The following ABCF3 variants were observed in gnomAD, a reference collection of about 807,000 sequenced individuals.
The protein encoded by ABCF3 is ATP-binding cassette sub-family F member 3.
In ABCF3, 62 loss-of-function variants were observed where a neutral mutation model predicts 94.3. That is an observed-to-expected ratio of 0.66 (90% CI 0.54 to 0.81). The LOEUF (loss-of-function observed/expected upper bound fraction) is 0.81, where lower values mean the gene tolerates loss of function less well. Among genes scored for constraint, ABCF3 ranks in the 40% least tolerant of loss-of-function variants. The pLI is 0.00. For synonymous variants in ABCF3, 355 were observed against 361.1 expected, an observed-to-expected ratio of 0.98 and a Z score of 0.19; for missense variants, 843 against 925.3, an observed-to-expected ratio of 0.91 and a Z score of 1.15.
chr3:184,189,519 C>T lies in ABCF3; in HGVS notation c.1114-38C>T, dbSNP rs73049791. On this transcript the variant is annotated intron_variant, in intron 12 of 20. Transcript: ENST00000429586. ...TACCTGGGGGCCTGAGAACTGACTGCCCTCCCAAACCGGGCCTGCTGTCCT... is the reference window on the plus strand; with the variant it reads ...TACCTGGGGGCCTGAGAACTGACTGTCCTCCCAAACCGGGCCTGCTGTCCT... 3.2e-4 allele frequency: 520 copies of T among 1,613,908 alleles called. 2 individuals carry two copies. In the African/African-American group the frequency reaches 6.1e-3, roughly 19 times the overall value.
At position 184,193,512 on chromosome 3, in the gene ABCF3, G is replaced by A; in HGVS notation, c.1972-28G>A. Reference sequence around the variant, plus strand: ...GCCTCGGTGCCTCTTGTGTCCCCCTGAGCACCTCCTGCCCTCCTGTCTTTC... The same window carrying A: ...GCCTCGGTGCCTCTTGTGTCCCCCTAAGCACCTCCTGCCCTCCTGTCTTTC... On this transcript the variant is annotated intron_variant, in intron 20 of 20. Coordinates refer to ENST00000429586, the MANE Select transcript of ABCF3 (RefSeq NM_018358.3). The surrounding 1 kb of genome is among the most constrained non-coding windows in gnomAD (Gnocchi z 5.2). 1.2e-6 allele frequency: 2 copies of A among 1,614,096 alleles called. No homozygotes were observed. Among genetic ancestry groups the A allele is most frequent in the Non-Finnish European group, 1.7e-6 (2 of 1,179,990 alleles).
In ABCF3 at chr3:184,193,701, C is replaced by T; in HGVS notation, c.*3C>T. 1 of 1,602,098 alleles carries T rather than the reference C, an allele frequency of 6.2e-7. No individual in the cohort carries two copies. Among genetic ancestry groups the T allele is most frequent in the Non-Finnish European group, 8.5e-7 (1 of 1,173,604 alleles). On this transcript the variant is annotated 3_prime_UTR_variant, in exon 21 of 21. Transcript: ENST00000429586. This position sits in a 1 kb window ranked among gnomAD's most constrained non-coding sequence, Gnocchi z 5.2. ...TCCGCCGCGAAGGCTTCCTCTAGGG[C>T]CACCAGGCTGAGGACTCGCCCAGGA...
In ABCF3 at chr3:184,193,407, C is replaced by T. The variant is rs777690649; in HGVS notation, c.1926C>T (p.Asp642=). The T allele has an allele frequency of 1.2e-6, 2 of 1,614,180 alleles. No homozygotes were observed. The highest frequency in any genetic ancestry group is 1.1e-5 in the South Asian group (1 of 91,078). The change falls in exon 20 of 21, where the codon GAC becomes GAT. Residue 642 remains aspartate (D), a synonymous_variant. Coordinates refer to ENST00000429586, the MANE Select transcript of ABCF3 (RefSeq NM_018358.3). The surrounding 1 kb of genome is among the most constrained non-coding windows in gnomAD (Gnocchi z 5.2). ...TGGATGAACCCACAAACCACCTGGA[C>T]ATGGAGACCATTGAGGCTCTGGGCC... ...YILDEPTNHL[D]METIEALGRA...
Position 184,186,786 on chromosome 3 carries a change from A to G in ABCF3, c.222-10A>G, listed in dbSNP as rs1406511298. The G allele has an allele frequency of 1.9e-6, 3 of 1,612,360 alleles. No homozygotes were observed. Among genetic ancestry groups the G allele is most frequent in the East Asian group, 4.5e-5 (2 of 44,858 alleles). Reference sequence around the variant, plus strand: ...TCCTAACTCTGCGCTTTCTATCCCTACCCACATAGGGCTGAGCCACAAAGC... The same window carrying G: ...TCCTAACTCTGCGCTTTCTATCCCTGCCCACATAGGGCTGAGCCACAAAGC... On this transcript the variant is annotated splice_polypyrimidine_tract_variant and intron_variant, in intron 2 of 20. Transcript: ENST00000429586.
rs767918618 is a variant in ABCF3, at chr3:184,192,797, G to A, written c.1659-8G>A. 1.4e-5 allele frequency: 23 copies of A among 1,613,750 alleles called. No homozygotes were observed. In the South Asian group the frequency reaches 1.6e-4, roughly 12 times the overall value. On this transcript the variant is annotated splice_polypyrimidine_tract_variant and splice_region_variant and intron_variant, in intron 17 of 20. Transcript: ENST00000429586. ...TGTCTGTTTTTCCACCTCGGCTTCT[G>A]CCTGCAGGAATCTGAAGATTGGCTA...
chr3:184,192,409 TCA>T (rs762032441), intron 16 of ABCF3, among the ~76,000 whole-genome samples, 190 bp from the exon 17 acceptor site: 1 of 152,184 alleles, frequency 6.6e-6, no homozygotes, highest in Non-Finnish European at 1.5e-5. Context: ...CAATTTTGTT[TCA>T]GTTAACCAAC....
intron 9 of ABCF3, 40 bp from the exon 10 acceptor site, chr3:184,189,048 G>A (rs763058871): frequency 1.2e-6 from 2 of 1,614,170 alleles, no homozygotes; most frequent in East Asian, 4.5e-5. Flanking sequence ...TTCCTGCCCT[G>A]ATGAACACCC....
rs533058568 is a variant in ABCF3, at chr3:184,190,636, G to A, written c.1392-363G>A. ...TTTTTTAGTTTTAGCCATCCTAGTGGCTGTGAAGTGATAGCTCATTGTGGT... is the reference window on the plus strand; with the variant it reads ...TTTTTTAGTTTTAGCCATCCTAGTGACTGTGAAGTGATAGCTCATTGTGGT... On this transcript the variant is annotated intron_variant, in intron 14 of 20. Coordinates refer to ENST00000429586, the MANE Select transcript of ABCF3 (RefSeq NM_018358.3). The A allele has an allele frequency of 9.5e-4, 191 of 201,492 alleles. 3 individuals are homozygous for A. The South Asian group carries it at 0.016, about 17-fold the overall frequency. The allele number at this position is 201,492 out of a possible 1,614,324, so 12.5% of individuals were successfully genotyped here. A position where few individuals can be genotyped will look rare whatever the true frequency, so the allele number is the denominator to read the frequency against.
At chr3:184,188,488 G>A in intron 7 of ABCF3, 81 bp downstream of exon 7, 3 of 1,520,660 alleles carry the variant, frequency 2.0e-6, no homozygotes, top group Non-Finnish European at 2.6e-6. Flanking sequence ...TCCATAATTT[G>A]CATGTACATC....
rs756208882 is a variant in ABCF3, at chr3:184,193,605, A to G, written c.2037A>G (p.Val679=). 3.2e-5 allele frequency: 51 copies of G among 1,613,992 alleles called. No homozygotes were observed. The highest frequency in any genetic ancestry group is 4.0e-5 in the Non-Finnish European group (47 of 1,180,010). ...FIRLVCRELW[V]CEGGGVTRVE... ...GGCTGGTGTGCCGGGAGTTGTGGGT[A>G]TGCGAAGGAGGCGGCGTCACCCGTG... The change falls in exon 21 of 21, where the codon GTA becomes GTG. Residue 679 remains valine, a synonymous_variant. Transcript: ENST00000429586. The surrounding 1 kb of genome is among the most constrained non-coding windows in gnomAD (Gnocchi z 5.2).
intron 15 of ABCF3, 34 bp downstream of exon 15, chr3:184,191,077 T>TG (rs755270473): frequency 3.1e-6 from 5 of 1,614,170 alleles, no homozygotes; most frequent in Non-Finnish European, 4.2e-6. Flanking sequence ...GGTGGGGAAT[T>TG]GCTTGCTTCC....
Position 184,186,251 on chromosome 3 carries a change from T to A in ABCF3, c.44T>A (p.Ile15Asn), listed in dbSNP as rs748555013. 9.3e-6 allele frequency: 15 copies of A among 1,614,094 alleles called. No individual in the cohort carries two copies. The highest frequency in any genetic ancestry group is 1.3e-5 in the African/African-American group (1 of 74,952). Residue 15 changes from isoleucine to asparagine, a missense_variant, in exon 1 of 21, where the codon ATT (isoleucine) becomes AAT (asparagine). Transcript: ENST00000429586. ...AEILRSEFPEIDGQVFDYVTG... is the reference protein window; with the variant it reads ...AEILRSEFPENDGQVFDYVTG... ...ATCCTGCGGAGCGAGTTCCCCGAAA[T>A]TGACGGACAAGTCTTCGACTACGTG...
rs1490970226 is a variant in ABCF3, at chr3:184,193,686, A to G, written c.2118A>G (p.Glu706=). 1 of 1,611,322 alleles carries G rather than the reference A, an allele frequency of 6.2e-7. No individual in the cohort carries two copies. Among genetic ancestry groups the G allele is most frequent in the African/African-American group, 1.3e-5 (1 of 75,018 alleles). Residue 706 remains glutamate, a synonymous_variant, in exon 21 of 21, where the codon GAA becomes GAG. Transcript: ENST00000429586. This position sits in a 1 kb window ranked among gnomAD's most constrained non-coding sequence, Gnocchi z 5.2. ...RALLQEQFRR[E]GFL ...TCCTCCAGGAACAGTTCCGCCGCGAAGGCTTCCTCTAGGGCCACCAGGCTG... is the reference window on the plus strand; with the variant it reads ...TCCTCCAGGAACAGTTCCGCCGCGAGGGCTTCCTCTAGGGCCACCAGGCTG...
chr3:184,189,155 T>TG lies in ABCF3; in HGVS notation c.1034+14dup, dbSNP rs773979933. ...GGCCCTCTTTGCTAGGTGAGTCTCC[T>TG]GGGCCAGTGTATGAAGCCCTATGGA... On this transcript the variant is annotated intron_variant, in intron 10 of 20. Coordinates refer to ENST00000429586, the MANE Select transcript of ABCF3 (RefSeq NM_018358.3). 1.9e-6 allele frequency: 3 copies of TG among 1,614,208 alleles called. No homozygotes were observed. The East Asian group carries it at 6.7e-5, about 36-fold the overall frequency.
chr3:184,190,234 G>T, intron 14 of ABCF3: 1 of 458,390 alleles, frequency 2.2e-6, no homozygotes, highest in Non-Finnish European at 4.0e-6. Flanking sequence ...CTGGCGTCAT[G>T]TGTGAGGCTC....
At chr3:184,192,500 A>G (rs769125247) in intron 16 of ABCF3, 101 bp from the exon 17 acceptor site, 3 of 1,114,776 alleles carry the variant, frequency 2.7e-6, no homozygotes, top group Non-Finnish European at 2.6e-6. Context: ...TCTGCTCTCT[A>G]CTTCTATGTG....
chr3:184,193,663 C>G lies in ABCF3; in HGVS notation c.2095C>G (p.Leu699Val). 9 of 1,613,986 alleles carry G rather than the reference C, an allele frequency of 5.6e-6. No homozygotes were observed. Among genetic ancestry groups the G allele is most frequent in the Non-Finnish European group, 7.6e-6 (9 of 1,179,904 alleles). The change falls in exon 21 of 21, where the codon CTC becomes GTC. Residue 699 changes from leucine to valine, a missense_variant. Physicochemically the swap from Leu to Val is conservative, Grantham distance 32. Coordinates refer to ENST00000429586, the MANE Select transcript of ABCF3 (RefSeq NM_018358.3). This position sits in a 1 kb window ranked among gnomAD's most constrained non-coding sequence, Gnocchi z 5.2. ...EGGFDQYRALLQEQFRREGFL is the reference protein window; with the variant it reads ...EGGFDQYRALVQEQFRREGFL ...AGGATTTGACCAGTACCGCGCCCTC[C>G]TCCAGGAACAGTTCCGCCGCGAAGG...
Position 184,191,021 on chromosome 3 carries a change from AAGGAATCAG to A in ABCF3, c.1418_1426del (p.Glu473_Glu475del). The A allele has an allele frequency of 6.2e-7, 1 of 1,614,168 alleles. No individual in the cohort carries two copies. The highest frequency in any genetic ancestry group is 8.5e-7 in the Non-Finnish European group (1 of 1,180,032). Reference sequence around the variant, plus strand: ...CAGGCCTGAGCTGAAGCCTGTGGACAAGGAATCAGAGGTCGTAATGAAGTAAGTGCTGGG... The same window carrying A: ...CAGGCCTGAGCTGAAGCCTGTGGACAAGGTCGTAATGAAGTAAGTGCTGGG... On this transcript the variant is annotated inframe_deletion, in exon 15 of 21. Coordinates refer to ENST00000429586, the MANE Select transcript of ABCF3 (RefSeq NM_018358.3).
chr3:184,187,269 C>T (rs1397712594), intron 3 of ABCF3, 128 bp from the exon 4 acceptor site: 10 of 981,520 alleles, frequency 1.0e-5, no homozygotes, highest in East Asian at 7.4e-5. Context: ...AGATAATAGC[C>T]ATCTATCTGC....
Sources: allele counts gnomAD v4.1 joint callset (sites outside exome capture counted in the v4.1 genomes callset), GRCh38; gene constraint gnomAD v4.1.1; non-coding constraint Gnocchi (gnomAD v3.1); transcripts MANE v1.5; gene names NCBI Gene and HGNC (gene_info 2026-07-23, HGNC 2026-07-21).